MYRFL: variants seen among roughly 807,000 people sequenced by gnomAD.
MYRFL encodes the protein myelin regulatory factor-like protein.
MYRFL carries 88 observed loss-of-function variants against 109.4 expected under a neutral mutation model. The ratio of observed to expected loss-of-function variants is 0.80; its 90% CI spans 0.68 to 0.96. The LOEUF is 0.96. Among genes scored for constraint, MYRFL ranks in the 40% least tolerant of loss-of-function variants. The pLI is 0.00. For missense variants in MYRFL, 957 were observed against 954.9 expected (o/e 1.00, Z -0.03); for synonymous variants, 324 against 320.9 (o/e 1.01, Z -0.10).
At chr12:69,895,579 C>A in intron 9 of MYRFL, 98 bp downstream of exon 9, 1 of 890,012 alleles carries the variant, frequency 1.1e-6, no homozygotes. Context: ...GTGCTACCAG[C>A]CAGAACACAG....
Position 69,955,356 on chromosome 12 carries a change from T to A in MYRFL, c.2376-7T>A. On this transcript the variant is annotated splice_polypyrimidine_tract_variant and splice_region_variant and intron_variant, in intron 21 of 24. Transcript: ENST00000552032. ...GATTTGTGGTTTTATTTTCTTTCCA[T>A]AATTAGATCTGGAAATTATAATTAC... 3.2e-6 allele frequency: 2 copies of A among 630,968 alleles called. No individual in the cohort carries two copies. The highest frequency in any genetic ancestry group is 5.6e-6 in the Non-Finnish European group (2 of 357,750). 39.1% of individuals were successfully genotyped at this position (630,968 alleles called of 1,614,324 possible).
At chr12:69,899,697 G>C (rs922578352) in intron 10 of MYRFL, among the ~76,000 whole-genome samples, 1 of 152,186 alleles carries the variant, frequency 6.6e-6, no homozygotes, top group Non-Finnish European at 1.5e-5. Context: ...ACCTAGATGA[G>C]TTCCAGGTCT....
chr12:69,903,716 G>T lies in MYRFL; in HGVS notation c.1255G>T (p.Val419Phe), dbSNP rs902202830. The change falls in exon 11 of 25, where the codon GTC (valine) becomes TTC (phenylalanine). Residue 419 changes from valine to phenylalanine, a missense_variant. Transcript: ENST00000552032. ...WQRGQVPESI[V>F]CHGRVGINTD... Reference sequence around the variant, plus strand: ...GCGAGGACAAGTTCCAGAATCTATTGTCTGTCACGGTCGAGTAGGAATCAA... The same window carrying T: ...GCGAGGACAAGTTCCAGAATCTATTTTCTGTCACGGTCGAGTAGGAATCAA... 6.5e-7 allele frequency: 1 copy of T among 1,535,740 alleles called. No homozygotes were observed. Among genetic ancestry groups the T allele is most frequent in the Non-Finnish European group, 8.7e-7 (1 of 1,146,710 alleles).
chr12:69,952,198 C>T (rs1000894540), intron 20 of MYRFL, 23 bp downstream of exon 20: 4 of 1,534,452 alleles, frequency 2.6e-6, no homozygotes, highest in Non-Finnish European at 3.5e-6. Context: ...TTAAGTGACA[C>T]TATTCTTTGG....
At chr12:69,877,031 T>C (rs151100107) in intron 2 of MYRFL, among the ~76,000 whole-genome samples, 786 of 32,394 alleles carry the variant, frequency 0.024, 19 homozygotes, top group East Asian at 0.18. Context: ...TTCTTTTTTT[T>C]TTTTTTTTTT....
At position 69,913,098 on chromosome 12, in the gene MYRFL, A is replaced by G. The variant is rs186185955; in HGVS notation, c.1602+2168A>G. Reference sequence around the variant, plus strand: ...CTTTTCATGTGTTTATTGTTCATGTATATATCTTCTTTGGAAAAATGTCAA... The same window carrying G: ...CTTTTCATGTGTTTATTGTTCATGTGTATATCTTCTTTGGAAAAATGTCAA... On this transcript the variant is annotated intron_variant, in intron 13 of 24. Coordinates refer to ENST00000552032, the MANE Select transcript of MYRFL (RefSeq NM_182530.3). Among the ~76,000 whole-genome samples, 12 of 152,088 alleles carry G rather than the reference A, an allele frequency of 7.9e-5. No homozygotes were observed. The East Asian group carries it at 1.7e-3, about 22-fold the overall frequency.
At chr12:69,831,477 A>G (rs1882631168) in intron 1 of MYRFL, among the ~76,000 whole-genome samples, 1 of 152,152 alleles carries the variant, frequency 6.6e-6, no homozygotes, top group Non-Finnish European at 1.5e-5. Context: ...CCTTAGGAAC[A>G]TGGGTTCTGA....
At chr12:69,936,926 A>G (rs985312224) in intron 19 of MYRFL, among the ~76,000 whole-genome samples, 1 of 152,224 alleles carries the variant, frequency 6.6e-6, no homozygotes, top group Admixed American at 6.5e-5. Context: ...AAGTAATTAC[A>G]TGCACGTGGG....
At chr12:69,914,949 A>G (rs1954686893) in intron 13 of MYRFL, among the ~76,000 whole-genome samples, 1 of 152,200 alleles carries the variant, frequency 6.6e-6, no homozygotes, top group Non-Finnish European at 1.5e-5. Context: ...GCAAGTGAAC[A>G]TCTCCCCACT....
chr12:69,903,996 T>C, intron 11 of MYRFL, 152 bp downstream of exon 11: 1 of 653,284 alleles, frequency 1.5e-6, no homozygotes, highest in Non-Finnish European at 2.4e-6. Context: ...ATGACTGAGC[T>C]GCTGGGCATC....
At chr12:69,856,487 G>T (rs1592709203) in intron 2 of MYRFL, among the ~76,000 whole-genome samples, 1 of 152,066 alleles carries the variant, frequency 6.6e-6, no homozygotes, top group South Asian at 2.1e-4. Context: ...CATTTTTAGA[G>T]TGGTGGTACC....
At chr12:69,897,370 T>C in intron 10 of MYRFL, 124 bp downstream of exon 10, 1 of 773,800 alleles carries the variant, frequency 1.3e-6, no homozygotes, top group South Asian at 1.6e-5. Context: ...TGGCAGAAAC[T>C]ATTATTTTAG....
intron 10 of MYRFL, among the ~76,000 whole-genome samples, chr12:69,901,506 A>G (rs1954179048): frequency 1.3e-5 from 2 of 152,204 alleles, no homozygotes; most frequent in South Asian, 4.1e-4. Flanking sequence ...GAGTATTGCA[A>G]TTGTTCCAAA....
rs1566002607 is a variant in MYRFL, at chr12:69,891,666, TTTC to T, written c.903+503_903+505del. ...CTTTCTTTCTTTCTTTCTTTCTTTC[TTTC>T]TTTCTTTCTTTCTTTCGTTCGTTCG... On this transcript the variant is annotated intron_variant, in intron 7 of 24. Transcript: ENST00000552032. Among the ~76,000 whole-genome samples, 5 of 101,622 alleles carry T rather than the reference TTTC, an allele frequency of 4.9e-5. 1 individual carries two copies. Among genetic ancestry groups the T allele is most frequent in the Non-Finnish European group, 1.1e-4 (5 of 46,114 alleles). 66.7% of individuals were successfully genotyped at this position (101,622 alleles called of 152,430 possible).
At chr12:69,888,825 G>A (rs1251470084) in intron 6 of MYRFL, among the ~76,000 whole-genome samples, 1 of 152,180 alleles carries the variant, frequency 6.6e-6, no homozygotes, top group Non-Finnish European at 1.5e-5. Flanking sequence ...GCCTTTAGAT[G>A]AACAAATTAG....
intron 1 of MYRFL, among the ~76,000 whole-genome samples, chr12:69,846,564 A>G (rs550471778): frequency 5.9e-5 from 9 of 151,976 alleles, no homozygotes; most frequent in Non-Finnish European, 1.3e-4. Context: ...TCCATGGTGT[A>G]TATGTGCCAC....
chr12:69,841,027 A>G (rs933292750), intron 1 of MYRFL, among the ~76,000 whole-genome samples: 1 of 152,196 alleles, frequency 6.6e-6, no homozygotes, highest in African/African-American at 2.4e-5. Flanking sequence ...ATTTCCAACA[A>G]TGGGTCACGT....
At chr12:69,834,659 C>T (rs936157703) in intron 1 of MYRFL, among the ~76,000 whole-genome samples, 8 of 152,122 alleles carry the variant, frequency 5.3e-5, no homozygotes, top group Non-Finnish European at 8.8e-5. Context: ...GAAACAAGAA[C>T]AAGTACAGCT....
intron 2 of MYRFL, among the ~76,000 whole-genome samples, chr12:69,864,440 A>T (rs980267916): frequency 9.2e-5 from 14 of 151,878 alleles, no homozygotes; most frequent in African/African-American, 3.1e-4. Flanking sequence ...TCTGTTATTG[A>T]GCCCACCTCA....
Sources: gnomAD v4.1 joint callset for allele counts (sites outside exome capture counted in the v4.1 genomes callset) on GRCh38, gnomAD v4.1.1 for gene constraint, MANE v1.5 for transcripts, NCBI Gene and HGNC (gene_info 2026-07-23, HGNC 2026-07-21) for gene names.